The following SMARCAD1 variants were observed in gnomAD, a reference collection of about 807,000 sequenced individuals.
The protein encoded by SMARCAD1 is SNF2 related chromatin remodeling ATPase with DExD box 1.
A neutral mutation model predicts 127.1 loss-of-function variants in SMARCAD1; 25 were observed. That is an observed-to-expected ratio of 0.20 (90% CI 0.14 to 0.27). The LOEUF is 0.27. Among genes scored for constraint, SMARCAD1 ranks in the 10% least tolerant of loss-of-function variants. SMARCAD1 has a pLI of 1.00. For missense variants in SMARCAD1, 807 were observed against 1,206.0 expected, an observed-to-expected ratio of 0.67 and a Z score of 4.90; for synonymous variants, 400 against 396.9, an observed-to-expected ratio of 1.01 and a Z score of -0.09.
At position 94,285,060 on chromosome 4, in the gene SMARCAD1, G is replaced by A. The variant is rs1754731796; in HGVS notation, c.3010G>A (p.Val1004Ile). 1 of 1,599,424 alleles carries A rather than the reference G, an allele frequency of 6.3e-7. No homozygotes were observed. The highest frequency in any genetic ancestry group is 8.6e-7 in the Non-Finnish European group (1 of 1,167,480). Residue 1004 changes from valine (V) to isoleucine (I), a missense_variant, in exon 23 of 24, where the codon GTA becomes ATA. Physicochemically the swap from Val to Ile is conservative, Grantham distance 29. Coordinates refer to ENST00000354268, the MANE Select transcript of SMARCAD1 (RefSeq NM_020159.5). Reference protein sequence around the residue: ...KLKLEQDMTTVDEGDEGSMPA... With the variant: ...KLKLEQDMTTIDEGDEGSMPA... Reference sequence around the variant, plus strand: ...GAAACTAGAACAGGATATGACTACAGTAGATGAAGGTGAGTTGTTTGTAAG... The same window carrying A: ...GAAACTAGAACAGGATATGACTACAATAGATGAAGGTGAGTTGTTTGTAAG...
At chr4:94,255,474 G>A (rs1749928189) in intron 9 of SMARCAD1, among the ~76,000 whole-genome samples, 1 of 151,820 alleles carries the variant, frequency 6.6e-6, no homozygotes, top group African/African-American at 2.4e-5. Flanking sequence ...AAATTATATT[G>A]TGCCTTTTAA....
intron 2 of SMARCAD1, among the ~76,000 whole-genome samples, chr4:94,208,909 G>A (rs1433887576): frequency 6.6e-6 from 1 of 152,104 alleles, no homozygotes; most frequent in African/African-American, 2.4e-5. Flanking sequence ...AAACTTTGAG[G>A]CTATTTGGGC....
At chr4:94,255,087 T>C (rs986302392) in intron 9 of SMARCAD1, among the ~76,000 whole-genome samples, 1 of 152,050 alleles carries the variant, frequency 6.6e-6, no homozygotes, top group Non-Finnish European at 1.5e-5. Flanking sequence ...AAAAAATTGT[T>C]TTGTGTTGAT....
chr4:94,287,110 G>A (rs1477320204), intron 23 of SMARCAD1, among the ~76,000 whole-genome samples: 4 of 151,904 alleles, frequency 2.6e-5, no homozygotes, highest in African/African-American at 9.7e-5. Context: ...GTGAGCCACC[G>A]CGCCTGGCCT....
chr4:94,258,340 A>T (rs1750435238), intron 9 of SMARCAD1, among the ~76,000 whole-genome samples: 1 of 151,978 alleles, frequency 6.6e-6, no homozygotes, highest in African/African-American at 2.4e-5. Flanking sequence ...TTTTTAGCAG[A>T]GACGGAGTTT....
At chr4:94,240,703 T>TA (rs1297732176) in intron 5 of SMARCAD1, among the ~76,000 whole-genome samples, 1 of 152,220 alleles carries the variant, frequency 6.6e-6, no homozygotes, top group Non-Finnish European at 1.5e-5. Flanking sequence ...AATATAGTAT[T>TA]ACAGTGATTT....
intron 2 of SMARCAD1, among the ~76,000 whole-genome samples, chr4:94,209,395 G>A (rs1481157795): frequency 6.6e-6 from 1 of 152,326 alleles, no homozygotes; most frequent in East Asian, 1.9e-4. Context: ...AGTCCTGGCA[G>A]TATGATTCCT....
chr4:94,226,117 A>G lies in SMARCAD1; in HGVS notation c.191-2A>G. 6.2e-7 allele frequency: 1 copy of G among 1,607,748 alleles called. No individual in the cohort carries two copies. Among genetic ancestry groups the G allele is most frequent in the Non-Finnish European group, 8.5e-7 (1 of 1,175,120 alleles). ...ATTTTTCTCCTTTTTATTCTCTTGCAGAAGATTCTAGTGTTCCAGAAACTC... is the reference window on the plus strand; with the variant it reads ...ATTTTTCTCCTTTTTATTCTCTTGCGGAAGATTCTAGTGTTCCAGAAACTC... On this transcript the variant is annotated splice_acceptor_variant, in intron 2 of 23. Transcript: ENST00000354268. LOFTEE classifies it high-confidence loss of function.
intron 9 of SMARCAD1, among the ~76,000 whole-genome samples, chr4:94,256,449 A>G (rs1484874296): frequency 6.6e-6 from 1 of 151,648 alleles, no homozygotes; most frequent in African/African-American, 2.4e-5. Context: ...TGCAACCTCC[A>G]CCTCCCGGGT....
At chr4:94,248,289 A>G (rs1202792418) in intron 6 of SMARCAD1, among the ~76,000 whole-genome samples, 2 of 152,188 alleles carry the variant, frequency 1.3e-5, no homozygotes, top group Non-Finnish European at 2.9e-5. Flanking sequence ...ACTTAGTGAT[A>G]TTCCATTTTA....
At chr4:94,233,836 C>A in intron 3 of SMARCAD1, 118 bp from the exon 4 acceptor site, 1 of 1,082,362 alleles carries the variant, frequency 9.2e-7, no homozygotes, top group Non-Finnish European at 1.4e-6. Flanking sequence ...GTATAGATTG[C>A]ATTTACTATT....
rs1284176163 is a variant in SMARCAD1 at position 94,282,092 on chromosome 4, GTTTTTTTGTTTTTT to G, written c.2726+510_2726+523del. Among the ~76,000 whole-genome samples, 10 of 111,018 alleles carry G rather than the reference GTTTTTTTGTTTTTT, an allele frequency of 9.0e-5. 1 individual carries two copies. Among genetic ancestry groups the G allele is most frequent in the Middle Eastern group, 6.9e-3 (1 of 144 alleles). The allele number at this position is 111,018 out of a possible 152,430, so 72.8% of individuals were successfully genotyped here. On this transcript the variant is annotated intron_variant, in intron 21 of 23. Transcript: ENST00000354268. ...TTCTTTCTGAATTACATGCAAATAC[GTTTTTTTGTTTTTT>G]TTTTTTTTTTTGAGACGGAGTCTCG...
At chr4:94,280,079 G>T (rs1753812302) in intron 19 of SMARCAD1, among the ~76,000 whole-genome samples, 1 of 151,964 alleles carries the variant, frequency 6.6e-6, no homozygotes, top group Admixed American at 6.5e-5. Context: ...TGGCCAGGCT[G>T]GTCTCGAACT....
At chr4:94,243,156 C>G (rs1455316214) in intron 6 of SMARCAD1, among the ~76,000 whole-genome samples, 2 of 152,130 alleles carry the variant, frequency 1.3e-5, no homozygotes, top group Admixed American at 6.5e-5. Context: ...CCGGGCTGAT[C>G]TCAAACTCCT....
At chr4:94,266,337 G>A (rs968488972) in intron 10 of SMARCAD1, among the ~76,000 whole-genome samples, 1 of 152,042 alleles carries the variant, frequency 6.6e-6, no homozygotes, top group Non-Finnish European at 1.5e-5. Context: ...ACAAAGTCCT[G>A]TTACTTGTAA....
At chr4:94,253,467 T>C in intron 9 of SMARCAD1, 1 of 1,166,058 alleles carries the variant, frequency 8.6e-7, no homozygotes, top group Non-Finnish European at 1.1e-6. Context: ...CCTAAGTGTT[T>C]TATGCTTCAC....
At chr4:94,274,139 CAAAG>C (rs1012400046) in intron 12 of SMARCAD1, among the ~76,000 whole-genome samples, 16 of 151,932 alleles carry the variant, frequency 1.1e-4, no homozygotes, top group African/African-American at 3.1e-4. Flanking sequence ...GTGAATGTAA[CAAAG>C]AAAACCCCCT....
intron 6 of SMARCAD1, among the ~76,000 whole-genome samples, chr4:94,247,446 G>A (rs36000008): frequency 0.017 from 2,574 of 152,254 alleles, 30 homozygotes; most frequent in Non-Finnish European, 0.027. Flanking sequence ...AACAACACAT[G>A]ATAGGCACAC....
At chr4:94,234,642 A>G (rs1472421043) in intron 4 of SMARCAD1, among the ~76,000 whole-genome samples, 1 of 152,240 alleles carries the variant, frequency 6.6e-6, no homozygotes, top group African/African-American at 2.4e-5. Flanking sequence ...ATCTCTAATT[A>G]TAAGAGTAAA....
Sources: allele counts gnomAD v4.1 joint callset (sites outside exome capture counted in the v4.1 genomes callset), GRCh38; gene constraint gnomAD v4.1.1; transcripts MANE v1.5; gene names NCBI Gene and HGNC (gene_info 2026-07-23, HGNC 2026-07-21).